ZNF536: variants seen among roughly 807,000 people sequenced by gnomAD.
The protein encoded by ZNF536 is zinc finger protein 536.
ZNF536 carries 13 observed loss-of-function variants against 84.5 expected under a neutral mutation model. That is an observed-to-expected ratio of 0.15 (90% CI 0.10 to 0.24). The LOEUF (loss-of-function observed/expected upper bound fraction) is 0.24. ZNF536 is among the 10% of genes least tolerant of loss of function. The probability of loss-of-function intolerance (pLI) is 1.00; values close to 1 mark genes in which losing one functional copy is unlikely to be tolerated. For synonymous variants in ZNF536, 811 were observed against 742.5 expected, an observed-to-expected ratio of 1.09 and a Z score of -1.50; for missense variants, 1,536 against 1,747.5, an observed-to-expected ratio of 0.88 and a Z score of 2.16.
intron 3 of ZNF536, among the ~76,000 whole-genome samples, chr19:30,364,811 GT>G (rs2048376992): frequency 6.6e-6 from 1 of 152,150 alleles, no homozygotes; most frequent in Non-Finnish European, 1.5e-5. Context: ...GGTCATATGC[GT>G]TTTTCTTTTC....
upstream of ZNF536, among the ~76,000 whole-genome samples, chr19:30,369,437 C>T (rs890324811): frequency 1.3e-5 from 2 of 152,138 alleles, no homozygotes; most frequent in Non-Finnish European, 2.9e-5. Context: ...GCAAATGAAA[C>T]ATGAATGCAT....
At chr19:30,588,426 G>T (rs2047169264) in intron 1 of ZNF536, among the ~76,000 whole-genome samples, 1 of 152,158 alleles carries the variant, frequency 6.6e-6, no homozygotes, top group Admixed American at 6.5e-5. Context: ...GGAGGAGATT[G>T]GCAGACTAAG....
chr19:30,562,776 G>A (rs1031025022), downstream of ZNF536, among the ~76,000 whole-genome samples: 1 of 151,442 alleles, frequency 6.6e-6, no homozygotes. Flanking sequence ...TTGCACTCAC[G>A]GGGCACGGAA....
chr19:30,695,382 G>A (rs1795635060), intron 1 of ZNF536, among the ~76,000 whole-genome samples: 1 of 152,226 alleles, frequency 6.6e-6, no homozygotes. Flanking sequence ...CCAGAGGGCA[G>A]CAGTTTCCAG....
At chr19:30,271,935 T>A (rs2025876809) in intron 1 of ZNF536, among the ~76,000 whole-genome samples, 1 of 152,158 alleles carries the variant, frequency 6.6e-6, no homozygotes, top group African/African-American at 2.4e-5. Flanking sequence ...AGTAAGAAAC[T>A]GGTAGAATGA....
intron 2 of ZNF536, among the ~76,000 whole-genome samples, chr19:30,487,772 AT>A (rs1473400617): frequency 1.3e-5 from 2 of 152,180 alleles, no homozygotes; most frequent in Non-Finnish European, 2.9e-5. Context: ...GAAAATGACA[AT>A]TTCCCCCATT....
intron 1 of ZNF536, among the ~76,000 whole-genome samples, chr19:30,670,094 C>T (rs2050486270): frequency 1.3e-5 from 2 of 152,302 alleles, no homozygotes; most frequent in South Asian, 2.1e-4. Context: ...TAGCCTCTGG[C>T]GCAGCATGGC....
chr19:30,482,761 A>G (rs2054140468), intron 2 of ZNF536, among the ~76,000 whole-genome samples: 1 of 152,174 alleles, frequency 6.6e-6, no homozygotes, highest in Non-Finnish European at 1.5e-5. Flanking sequence ...CAAAGTTCTA[A>G]TGGACGGTCA....
At chr19:30,266,878 A>G (rs1439195937) in intron 1 of ZNF536, among the ~76,000 whole-genome samples, 1 of 152,208 alleles carries the variant, frequency 6.6e-6, no homozygotes, top group African/African-American at 2.4e-5. Context: ...ATCTGTGTTC[A>G]GAATTGATAA....
intron 2 of ZNF536, among the ~76,000 whole-genome samples, chr19:30,524,798 C>T (rs1161921504): frequency 1.3e-5 from 2 of 151,900 alleles, no homozygotes; most frequent in East Asian, 1.9e-4. Context: ...AAATAAATTA[C>T]GTAGACATCT....
intron 1 of ZNF536, among the ~76,000 whole-genome samples, chr19:30,439,231 G>A (rs1279809632): frequency 6.6e-6 from 1 of 152,088 alleles, no homozygotes; most frequent in Admixed American, 6.6e-5. Context: ...CCCCAGCTTT[G>A]CATTCAGCCT....
At chr19:30,711,587 G>T (rs1447247688) in exon 2 of ZNF536, 1 of 152,174 alleles carries the variant, frequency 6.6e-6, no homozygotes, top group African/African-American at 2.4e-5. Flanking sequence ...CGCAGCCAGC[G>T]CCGGGGCTGA....
At chr19:30,324,335 G>T (rs1356272592) in intron 2 of ZNF536, among the ~76,000 whole-genome samples, 1 of 151,844 alleles carries the variant, frequency 6.6e-6, no homozygotes, top group Non-Finnish European at 1.5e-5. Flanking sequence ...TTGTGTTTTG[G>T]GAATCTGCAT....
At chr19:30,574,279 G>A (rs117085491) in intron 1 of ZNF536, among the ~76,000 whole-genome samples, 2,023 of 152,304 alleles carry the variant, frequency 0.013, 19 homozygotes, top group Middle Eastern at 0.024. Flanking sequence ...TTTGCAATGG[G>A]ATCAGAGAAC....
At chr19:30,441,100 C>T (rs768741063) in intron 1 of ZNF536, among the ~76,000 whole-genome samples, 2 of 152,176 alleles carry the variant, frequency 1.3e-5, no homozygotes, top group South Asian at 2.1e-4. Flanking sequence ...TTTGCAGTCT[C>T]GCCGCATTGC....
intron 2 of ZNF536, among the ~76,000 whole-genome samples, chr19:30,494,928 AGAGT>A (rs1212444757): frequency 4.2e-5 from 6 of 141,412 alleles, no homozygotes. Flanking sequence ...CCTGGGCAAC[AGAGT>A]GAGACTCCGT....
intron 1 of ZNF536, among the ~76,000 whole-genome samples, chr19:30,646,675 C>T (rs976219057): frequency 3.9e-5 from 6 of 152,146 alleles, no homozygotes; most frequent in African/African-American, 1.4e-4. Flanking sequence ...AGTGGCTCTG[C>T]CCCCCTTTTG....
In ZNF536 at chr19:30,663,888, G is replaced by A. The variant is rs565099405; in HGVS notation, c.170-46869G>A. ...ATGAAAGGAAATTTCCATATGAAAA[G>A]CAACTTACTAAAAGTAATGCCATAA... On this transcript the variant is annotated intron_variant, in intron 1 of 1. Coordinates refer to the ZNF536 transcript ENST00000592773. 8.9e-4 allele frequency among the ~76,000 whole-genome samples: 135 copies of A among 152,274 alleles called. No homozygotes were observed. The Middle Eastern group carries it at 0.01, about 12-fold the overall frequency.
chr19:30,508,777 G>A (rs2055275946), intron 2 of ZNF536, among the ~76,000 whole-genome samples: 1 of 150,694 alleles, frequency 6.6e-6, no homozygotes, highest in African/African-American at 2.4e-5. Context: ...CTACATTTGT[G>A]GGTGTGGGCA....
Sources: gnomAD v4.1 joint callset for allele counts (sites outside exome capture counted in the v4.1 genomes callset) on GRCh38, gnomAD v4.1.1 for gene constraint, MANE v1.5 for transcripts, NCBI Gene and HGNC (gene_info 2026-07-23, HGNC 2026-07-21) for gene names.